Variants in STXBP5 observed in about 807,000 individuals in gnomAD.
STXBP5 encodes syntaxin binding protein 5, also known as syntaxin-binding protein 5.
In STXBP5, 50 loss-of-function variants were observed where a neutral mutation model predicts 152.4. The observed-to-expected ratio is 0.33, with a 90% CI of 0.26 to 0.42. The LOEUF (loss-of-function observed/expected upper bound fraction) is 0.42. STXBP5 is among the 10% of genes least tolerant of loss of function. The probability of loss-of-function intolerance (pLI) is 1.00; values close to 1 mark genes in which losing one functional copy is unlikely to be tolerated. For synonymous variants in STXBP5, 492 were observed against 494.7 expected (o/e 0.99, Z 0.07); for missense variants, 1,167 against 1,388.6 (o/e 0.84, Z 2.54).
In STXBP5 at chr6:147,387,095, A is replaced by C. The variant is rs1183753046; in HGVS notation, c.*2340A>C. The C allele has an allele frequency of 6.6e-6, 1 of 151,682 alleles. No homozygotes were observed. The highest frequency in any genetic ancestry group is 2.1e-4 in the South Asian group (1 of 4,834). The allele number at this position is 151,682 out of a possible 1,614,324, so 9.4% of individuals were successfully genotyped here. On this transcript the variant is annotated 3_prime_UTR_variant, in exon 28 of 28. Transcript: ENST00000321680. ...TTAATCTACAAATTATGCACAACAA[A>C]CTAGAGACTCAGTTAGGATTAGAAA... is the stretch of plus-strand genomic sequence containing the variant.
At chr6:147,251,158 C>T (rs1033634643) in intron 4 of STXBP5, among the ~76,000 whole-genome samples, 2 of 152,172 alleles carry the variant, frequency 1.3e-5, no homozygotes, top group South Asian at 2.1e-4. Context: ...CAGGGTGTGG[C>T]GTTGCCTCAC....
At chr6:147,355,027 A>T (rs1784754010) in intron 22 of STXBP5, among the ~76,000 whole-genome samples, 2 of 152,184 alleles carry the variant, frequency 1.3e-5, no homozygotes, top group African/African-American at 4.8e-5. Flanking sequence ...GCTGTTGTGC[A>T]GCTCCAGAAG....
At chr6:147,279,376 CAAG>C (rs1297248709) in intron 8 of STXBP5, among the ~76,000 whole-genome samples, 3 of 152,050 alleles carry the variant, frequency 2.0e-5, no homozygotes, top group Non-Finnish European at 4.4e-5. Flanking sequence ...ATAGTATATT[CAAG>C]ATTGTCCTTG....
At chr6:147,364,506 A>G (rs1435893061) in intron 25 of STXBP5, among the ~76,000 whole-genome samples, 2 of 152,238 alleles carry the variant, frequency 1.3e-5, no homozygotes, top group African/African-American at 4.8e-5. Context: ...GAAGTGTGTT[A>G]ATGTGAAAAT....
chr6:147,289,206 A>G (rs1781150920), intron 8 of STXBP5, among the ~76,000 whole-genome samples: 1 of 152,236 alleles, frequency 6.6e-6, no homozygotes, highest in South Asian at 2.1e-4. Context: ...TCAAACCATC[A>G]TCTGACATTT....
chr6:147,232,612 C>A (rs1778061443), intron 2 of STXBP5, among the ~76,000 whole-genome samples: 1 of 151,706 alleles, frequency 6.6e-6, no homozygotes, highest in Non-Finnish European at 1.5e-5. Flanking sequence ...GAGAAAAAAT[C>A]ATTTCTCTGA....
intron 4 of STXBP5, among the ~76,000 whole-genome samples, chr6:147,239,944 CTT>C (rs748804277): frequency 7.0e-6 from 1 of 143,586 alleles, no homozygotes. Context: ...TTGTGGTACT[CTT>C]TTTTTTTTTT....
At chr6:147,350,471 G>A (rs890970193) in intron 21 of STXBP5, among the ~76,000 whole-genome samples, 2 of 152,032 alleles carry the variant, frequency 1.3e-5, no homozygotes, top group East Asian at 1.9e-4. Flanking sequence ...TGTATTTAAC[G>A]TTTAATGTAT....
intron 8 of STXBP5, among the ~76,000 whole-genome samples, chr6:147,281,198 A>T (rs180973233): frequency 2.0e-5 from 3 of 152,304 alleles, no homozygotes; most frequent in Admixed American, 1.3e-4. Context: ...CTGGGATTAC[A>T]GGCGCCTGCC....
chr6:147,288,632 A>G (rs780378342), intron 8 of STXBP5, among the ~76,000 whole-genome samples: 1 of 152,160 alleles, frequency 6.6e-6, no homozygotes, highest in Admixed American at 6.5e-5. Context: ...CTGGTGGCAT[A>G]TATCTGAGTT....
chr6:147,216,644 T>G (rs556412558), intron 2 of STXBP5, among the ~76,000 whole-genome samples: 40 of 152,324 alleles, frequency 2.6e-4, no homozygotes, highest in African/African-American at 9.4e-4. Flanking sequence ...AATTTTTACT[T>G]GATTCCATTT....
intron 4 of STXBP5, among the ~76,000 whole-genome samples, chr6:147,245,336 T>A (rs1778759924): frequency 6.6e-6 from 1 of 152,152 alleles, no homozygotes; most frequent in Non-Finnish European, 1.5e-5. Context: ...AAAGAAAAAG[T>A]AAATATACTT....
intron 21 of STXBP5, among the ~76,000 whole-genome samples, chr6:147,341,559 A>T (rs561585883): frequency 6.6e-6 from 1 of 152,172 alleles, no homozygotes; most frequent in African/African-American, 2.4e-5. Context: ...GGGTTGCACT[A>T]GTAAAAGAGC....
Position 147,316,340 on chromosome 6 carries a change from C to T in STXBP5, c.1735C>T (p.Pro579Ser). The T allele has an allele frequency of 6.2e-7, 1 of 1,611,592 alleles. No homozygotes were observed. Among genetic ancestry groups the T allele is most frequent in the Non-Finnish European group, 8.5e-7 (1 of 1,179,066 alleles). Residue 579 changes from proline (P) to serine (S), a missense_variant, in exon 16 of 28, where the codon CCT becomes TCT. Pro to Ser is a moderately conservative substitution (Grantham distance 74, BLOSUM62 -1). Transcript: ENST00000321680. ...VGGSNPQPIP[P>S]QSHPSTSSSS... ...AGGGTCCAACCCTCAGCCCATCCCT[C>T]CTCAGTCTCATCCATCTACCAGTAG...
At chr6:147,319,948 C>T (rs1323924574) in intron 16 of STXBP5, among the ~76,000 whole-genome samples, 3 of 149,650 alleles carry the variant, frequency 2.0e-5, no homozygotes, top group Non-Finnish European at 4.4e-5. Flanking sequence ...CTCAATCAGT[C>T]CTCCCAACTC....
chr6:147,384,903 CAT>C lies in STXBP5; in HGVS notation c.*149_*150del. 2.5e-6 allele frequency: 2 copies of C among 798,158 alleles called. No homozygotes were observed. The highest frequency in any genetic ancestry group is 4.1e-6 in the Non-Finnish European group (2 of 484,506). 49.4% of individuals were successfully genotyped at this position (798,158 alleles called of 1,614,324 possible). ...CAGTCATGCACTGTTTTACCTCAGT[CAT>C]GTGGCTTTAACTGAGGAGTGTTCAC... On this transcript the variant is annotated 3_prime_UTR_variant, in exon 28 of 28. Coordinates refer to ENST00000321680, the MANE Select transcript of STXBP5 (RefSeq NM_001127715.4).
At chr6:147,214,197 A>C (rs1011068026) in intron 2 of STXBP5, among the ~76,000 whole-genome samples, 1 of 152,212 alleles carries the variant, frequency 6.6e-6, no homozygotes, top group Non-Finnish European at 1.5e-5. Flanking sequence ...AGCAGTAATA[A>C]AAATAAGGAC....
intron 22 of STXBP5, 48 bp downstream of exon 22, chr6:147,353,421 G>T (rs544399721): frequency 8.4e-6 from 11 of 1,307,010 alleles, no homozygotes; most frequent in Middle Eastern, 2.1e-4. Context: ...ATAATGGGAA[G>T]ACAAGGAAAT....
intron 16 of STXBP5, among the ~76,000 whole-genome samples, chr6:147,323,733 A>T (rs1030907713): frequency 3.7e-4 from 56 of 152,214 alleles, no homozygotes; most frequent in African/African-American, 1.3e-3. Flanking sequence ...ACCTTTGTCT[A>T]ATTTGACCAT....
Sources: gnomAD v4.1 joint callset for allele counts (sites outside exome capture counted in the v4.1 genomes callset) on GRCh38, gnomAD v4.1.1 for gene constraint, MANE v1.5 for transcripts, NCBI Gene and HGNC (gene_info 2026-07-23, HGNC 2026-07-21) for gene names.